Variants in KITLG observed in about 807,000 individuals in gnomAD.
KITLG encodes KIT ligand, also known as c-Kit ligand.
KITLG carries 13 observed loss-of-function variants against 34.1 expected under a neutral mutation model. The ratio of observed to expected loss-of-function variants is 0.38; its 90% CI spans 0.25 to 0.61. The LOEUF is 0.61. KITLG is among the 20% of genes least tolerant of loss of function. The pLI is 0.60. For synonymous variants in KITLG, 110 were observed against 104.0 expected (o/e 1.06, Z -0.35); for missense variants, 292 against 318.9 (o/e 0.92, Z 0.64).
At chr12:88,548,008 G>A (rs1870773502) in intron 1 of KITLG, among the ~76,000 whole-genome samples, 2 of 152,170 alleles carry the variant, frequency 1.3e-5, no homozygotes, top group Non-Finnish European at 2.9e-5. Flanking sequence ...AATAAGATTA[G>A]AGCAAGGTAA....
At chr12:88,571,013 T>C (rs1871632475) in intron 1 of KITLG, among the ~76,000 whole-genome samples, 2 of 152,232 alleles carry the variant, frequency 1.3e-5, no homozygotes, top group South Asian at 4.1e-4. Context: ...GAAAATTTTC[T>C]AAAAATTTGC....
chr12:88,503,710 C>T (rs941036540), intron 9 of KITLG, among the ~76,000 whole-genome samples: 17 of 152,104 alleles, frequency 1.1e-4, no homozygotes, highest in African/African-American at 1.7e-4. Context: ...ACATCTTACT[C>T]TCCTTTCTCC....
Position 88,493,214 on chromosome 12 carries a change from T to C in KITLG, c.*4005A>G, listed in dbSNP as rs1206155653. 6.6e-6 allele frequency: 1 copy of C among 152,380 alleles called. No homozygotes were observed. Among genetic ancestry groups the C allele is most frequent in the Non-Finnish European group, 1.5e-5 (1 of 67,872 alleles). The allele number at this position is 152,380 out of a possible 1,614,324, so 9.4% of individuals were successfully genotyped here. On this transcript the variant is annotated 3_prime_UTR_variant, in exon 10 of 10. Coordinates refer to ENST00000644744, the MANE Select transcript of KITLG (RefSeq NM_000899.5). ...GTATTGTAGCTCAGAGATCAAGTAC[T>C]GGAAAACGGTGTGGTTTTTAGTTTA...
chr12:88,546,938 G>A (rs146805470), intron 1 of KITLG, among the ~76,000 whole-genome samples: 1 of 152,156 alleles, frequency 6.6e-6, no homozygotes, highest in Non-Finnish European at 1.5e-5. Context: ...CCAGTTGCAG[G>A]AAGACAGTGC....
intron 9 of KITLG, among the ~76,000 whole-genome samples, chr12:88,504,830 T>C (rs1480147675): frequency 6.6e-6 from 1 of 152,158 alleles, no homozygotes; most frequent in African/African-American, 2.4e-5. Flanking sequence ...CATGTATGAC[T>C]GAGGCTGGAA....
At chr12:88,519,904 G>A (rs368753341) in intron 3 of KITLG, among the ~76,000 whole-genome samples, 8 of 152,262 alleles carry the variant, frequency 5.3e-5, no homozygotes, top group African/African-American at 1.7e-4. Flanking sequence ...GATTAGAGGC[G>A]TGAGTCACTG....
chr12:88,558,258 T>G (rs994805702), intron 1 of KITLG, among the ~76,000 whole-genome samples: 1 of 152,066 alleles, frequency 6.6e-6, no homozygotes, highest in Non-Finnish European at 1.5e-5. Context: ...AATAAATAAA[T>G]AAATAAATAA....
At chr12:88,532,362 T>G (rs1870127998) in intron 3 of KITLG, 79 bp downstream of exon 3, 1 of 1,003,878 alleles carries the variant, frequency 1.0e-6, no homozygotes, top group Admixed American at 2.0e-5. Flanking sequence ...AAATAGCAGC[T>G]AGTGTACTAT....
chr12:88,543,578 T>C (rs904298833), intron 2 of KITLG, among the ~76,000 whole-genome samples: 2 of 152,172 alleles, frequency 1.3e-5, no homozygotes, highest in Admixed American at 1.3e-4. Context: ...ATAATTTTCA[T>C]CAGCATGACA....
intron 1 of KITLG, among the ~76,000 whole-genome samples, chr12:88,558,252 A>C (rs1167128404): frequency 6.8e-6 from 1 of 146,526 alleles, no homozygotes; most frequent in Non-Finnish European, 1.5e-5. Flanking sequence ...CTTTTAAATA[A>C]ATAAATAAAT....
chr12:88,548,251 C>T (rs1207736124), intron 1 of KITLG, among the ~76,000 whole-genome samples: 2 of 151,964 alleles, frequency 1.3e-5, no homozygotes, highest in Admixed American at 6.6e-5. Flanking sequence ...GTCAGGAGAT[C>T]GAGACCAGCC....
intron 7 of KITLG, 62 bp downstream of exon 7, chr12:88,506,966 A>G (rs1362841887): frequency 1.1e-6 from 1 of 945,772 alleles, no homozygotes; most frequent in African/African-American, 1.6e-5. Context: ...TTCTTGAGGA[A>G]AAAAAGATGA....
At position 88,580,264 on chromosome 12, in the gene KITLG, T is replaced by C. The variant is rs932487716; in HGVS notation, c.15A>G (p.Gln5=). ...GAGCTCCCGGGCGCGCCCTACTCAC[T>C]TGTGTCTTCTTCATAAGGAAAGGCA... MKKT[Q]TWILTCIYLQ... Residue 5 remains glutamine (Q), a splice_region_variant and synonymous_variant, in exon 1 of 10, where the codon CAA becomes CAG. Transcript: ENST00000644744. 1.2e-6 allele frequency: 2 copies of C among 1,609,948 alleles called. No homozygotes were observed. Among genetic ancestry groups the C allele is most frequent in the Admixed American group, 1.7e-5 (1 of 59,542 alleles).
In KITLG at chr12:88,493,938, T is replaced by C. The variant is rs1868505975; in HGVS notation, c.*3281A>G. Reference sequence around the variant, plus strand: ...TTTTACTAATGGACACTATTTACATTAGAAACAAGAACAGCAATGACTTTT... The same window carrying C: ...TTTTACTAATGGACACTATTTACATCAGAAACAAGAACAGCAATGACTTTT... On this transcript the variant is annotated 3_prime_UTR_variant, in exon 10 of 10. Transcript: ENST00000644744. The C allele has an allele frequency of 6.6e-6, 1 of 151,980 alleles. No homozygotes were observed. The highest frequency in any genetic ancestry group is 2.4e-5 in the African/African-American group (1 of 41,430). The allele number at this position is 151,980 out of a possible 1,614,324, so 9.4% of individuals were successfully genotyped here.
At chr12:88,541,168 T>A (rs1870505226) in intron 2 of KITLG, among the ~76,000 whole-genome samples, 1 of 152,158 alleles carries the variant, frequency 6.6e-6, no homozygotes, top group Non-Finnish European at 1.5e-5. Context: ...GATATTTTTA[T>A]AATCTCTCAT....
intron 8 of KITLG, among the ~76,000 whole-genome samples, chr12:88,505,920 C>T (rs143213164): frequency 6.6e-6 from 1 of 152,108 alleles, no homozygotes; most frequent in Non-Finnish European, 1.5e-5. Flanking sequence ...ACTGAAAGAA[C>T]TAAGCTTAGG....
chr12:88,519,860 G>C (rs925946922), intron 3 of KITLG, among the ~76,000 whole-genome samples: 1 of 152,084 alleles, frequency 6.6e-6, no homozygotes, highest in Non-Finnish European at 1.5e-5. Flanking sequence ...CTGGCCTCAA[G>C]CAATCCTCCC....
intron 6 of KITLG, among the ~76,000 whole-genome samples, chr12:88,507,573 T>C (rs1869109670): frequency 6.6e-6 from 1 of 152,250 alleles, no homozygotes; most frequent in African/African-American, 2.4e-5. Flanking sequence ...CATTCAGCTA[T>C]GTTTGGACTG....
chr12:88,539,638 T>C (rs1245058970), intron 2 of KITLG, among the ~76,000 whole-genome samples: 1 of 152,104 alleles, frequency 6.6e-6, no homozygotes, highest in Non-Finnish European at 1.5e-5. Context: ...TAAAAATAAA[T>C]TGGCAGGGCA....
Sources: allele counts gnomAD v4.1 joint callset (sites outside exome capture counted in the v4.1 genomes callset), GRCh38; gene constraint gnomAD v4.1.1; transcripts MANE v1.5; gene names NCBI Gene and HGNC (gene_info 2026-07-23, HGNC 2026-07-21).